Variants in CNTRL observed in about 807,000 individuals in gnomAD.
CNTRL encodes the protein centriolin, also known as 110 kDa centrosomal protein.
A neutral mutation model predicts 303.7 loss-of-function variants in CNTRL; 233 were observed. That is an observed-to-expected ratio of 0.77 (90% CI 0.69 to 0.86). The LOEUF is 0.86. CNTRL is among the 40% of genes least tolerant of loss of function. CNTRL has a pLI of 0.00. For missense variants in CNTRL, 2,524 were observed against 2,650.6 expected, an observed-to-expected ratio of 0.95 and a Z score of 1.05; for synonymous variants, 900 against 922.2, an observed-to-expected ratio of 0.98 and a Z score of 0.44.
chr9:121,116,025 AT>A (rs1295760889), intron 11 of CNTRL, among the ~76,000 whole-genome samples: 1 of 152,132 alleles, frequency 6.6e-6, no homozygotes, highest in Non-Finnish European at 1.5e-5. Context: ...TGTGGGGGAA[AT>A]AAGGCAATAA....
rs563012856 is a variant in CNTRL at position 121,176,693 on chromosome 9, G to T, written c.6955-470G>T. On this transcript the variant is annotated intron_variant, in intron 43 of 43. Transcript: ENST00000373855. ...GGGGCGAGATTGGTAGAATTATTTA[G>T]AAGTCTGGGGTTGTAATCCAGGCCT... Among the ~76,000 whole-genome samples the T allele has an allele frequency of 3.3e-4, 50 of 152,316 alleles. No individual in the cohort carries two copies. The East Asian group carries it at 3.5e-3, about 11-fold the overall frequency.
chr9:121,084,927 A>C (rs1211207294), intron 2 of CNTRL, among the ~76,000 whole-genome samples: 10 of 152,148 alleles, frequency 6.6e-5, no homozygotes, highest in Non-Finnish European at 1.3e-4. Flanking sequence ...CCTTTCTTTC[A>C]TATAGGAAAA....
intron 7 of CNTRL, among the ~76,000 whole-genome samples, chr9:121,106,823 G>A (rs1174966446): frequency 1.3e-5 from 2 of 152,034 alleles, no homozygotes; most frequent in Admixed American, 1.3e-4. Context: ...TGAAGTTTAT[G>A]TTTTGGAATC....
At chr9:121,077,083 G>C (rs540130439) in intron 1 of CNTRL, among the ~76,000 whole-genome samples, 2 of 152,168 alleles carry the variant, frequency 1.3e-5, no homozygotes, top group African/African-American at 2.4e-5. Flanking sequence ...TGAATTGTTA[G>C]ATCAGAGCAA....
At chr9:121,170,652 A>G (rs1292589530) in intron 39 of CNTRL, among the ~76,000 whole-genome samples, 7 of 151,594 alleles carry the variant, frequency 4.6e-5, no homozygotes, top group Non-Finnish European at 1.5e-5. Context: ...GACGGGGTTC[A>G]CCATGTTGGC....
At position 121,140,734 on chromosome 9, in the gene CNTRL, G is replaced by A. The variant is rs758251543; in HGVS notation, c.2431G>A (p.Ala811Thr). ...TTTGGTTCGTCCAGAAGAAGTGGCA[G>A]CTCGTGTGGATGAGCTAAGAAGAAA... is the stretch of plus-strand genomic sequence containing the variant. Reference protein sequence around the residue: ...DGLVRPEEVAARVDELRRKLK... With the variant: ...DGLVRPEEVATRVDELRRKLK... The change falls in exon 17 of 44, where the codon GCT (alanine) becomes ACT (threonine). Residue 811 changes from alanine (A) to threonine (T), a missense_variant. Coordinates refer to ENST00000373855, the MANE Select transcript of CNTRL (RefSeq NM_007018.6). The A allele has an allele frequency of 6.2e-7, 1 of 1,613,532 alleles. No homozygotes were observed. The highest frequency in any genetic ancestry group is 1.7e-5 in the Admixed American group (1 of 59,998).
chr9:121,146,177 A>G lies in CNTRL; in HGVS notation c.3380A>G (p.Asn1127Ser), dbSNP rs766953071. ...AELRREVSYQ[N>S]DYISSMADPF... ...CTTCGACGTGAAGTTTCTTATCAGAATGATTACATAAGCAGCATGGCAGAT... is the reference window on the plus strand; with the variant it reads ...CTTCGACGTGAAGTTTCTTATCAGAGTGATTACATAAGCAGCATGGCAGAT... The change falls in exon 23 of 44, where the codon AAT becomes AGT. Residue 1127 changes from asparagine to serine, a missense_variant. Coordinates refer to ENST00000373855, the MANE Select transcript of CNTRL (RefSeq NM_007018.6). 6.2e-7 allele frequency: 1 copy of G among 1,613,794 alleles called. No homozygotes were observed. Among genetic ancestry groups the G allele is most frequent in the Non-Finnish European group, 8.5e-7 (1 of 1,179,928 alleles).
chr9:121,152,402 C>T (rs1049372240), intron 25 of CNTRL, 83 bp from the exon 26 acceptor site: 2 of 1,131,530 alleles, frequency 1.8e-6, no homozygotes, highest in African/African-American at 3.1e-5. Context: ...ACTTTAACCA[C>T]AGTTAATTTC....
chr9:121,158,259 T>A, intron 30 of CNTRL, 150 bp downstream of exon 30: 1 of 907,796 alleles, frequency 1.1e-6, no homozygotes, highest in Non-Finnish European at 1.6e-6. Flanking sequence ...CCCAACTCAA[T>A]ACAATACTTC....
chr9:121,123,107 G>C (rs558177319), intron 12 of CNTRL, among the ~76,000 whole-genome samples: 1 of 151,908 alleles, frequency 6.6e-6, no homozygotes, highest in East Asian at 1.9e-4. Flanking sequence ...TATTAAAAAG[G>C]CATTACTTAT....
Position 121,094,937 on chromosome 9 carries a change from G to A in CNTRL, c.398G>A (p.Ser133Asn). The A allele has an allele frequency of 6.3e-7, 1 of 1,594,206 alleles. No individual in the cohort carries two copies. The highest frequency in any genetic ancestry group is 8.6e-7 in the Non-Finnish European group (1 of 1,165,624). Residue 133 changes from serine (S) to asparagine (N), a missense_variant, in exon 5 of 44, where the codon AGC becomes AAC. Coordinates refer to ENST00000373855, the MANE Select transcript of CNTRL (RefSeq NM_007018.6). The stretch of plus-strand genomic sequence containing the variant: ...GTTAAACTTGAAGTACTGAATCTCA[G>A]CTATAATCTAATAGGGAAGATTGAA... ...KCVKLEVLNL[S>N]YNLIGKIEKL...
chr9:121,138,222 T>C (rs2051301775), intron 15 of CNTRL, among the ~76,000 whole-genome samples: 1 of 152,160 alleles, frequency 6.6e-6, no homozygotes, highest in South Asian at 2.1e-4. Context: ...AATACTAGTC[T>C]AAGGGAAAGG....
At chr9:121,108,814 T>C (rs1160712092) in intron 8 of CNTRL, among the ~76,000 whole-genome samples, 1 of 152,152 alleles carries the variant, frequency 6.6e-6, no homozygotes, top group Non-Finnish European at 1.5e-5. Flanking sequence ...ACAAAATTAA[T>C]GTATGTTCAT....
At chr9:121,141,241 A>G (rs1352589673) in intron 17 of CNTRL, 140 bp from the exon 18 acceptor site, 3 of 653,950 alleles carry the variant, frequency 4.6e-6, no homozygotes, top group African/African-American at 3.6e-5. Flanking sequence ...TGCGCTTAGG[A>G]GATGGTCAGT....
At chr9:121,126,172 C>G (rs147247177) in intron 14 of CNTRL, among the ~76,000 whole-genome samples, 1 of 151,740 alleles carries the variant, frequency 6.6e-6, no homozygotes, top group African/African-American at 2.4e-5. Context: ...CATTTCTATC[C>G]CTGAAAGGTA....
chr9:121,130,124 G>A (rs1238456016), intron 14 of CNTRL, among the ~76,000 whole-genome samples: 1 of 152,104 alleles, frequency 6.6e-6, no homozygotes, highest in Non-Finnish European at 1.5e-5. Context: ...GCCAGGCTTT[G>A]GTATCAGGAT....
At chr9:121,079,675 T>C (rs547567026) in intron 1 of CNTRL, among the ~76,000 whole-genome samples, 2 of 152,296 alleles carry the variant, frequency 1.3e-5, no homozygotes, top group Admixed American at 6.5e-5. Context: ...GTGCTTAACC[T>C]GTAGTGAATG....
chr9:121,164,148 G>A (rs1395944923), intron 34 of CNTRL, among the ~76,000 whole-genome samples: 1 of 152,158 alleles, frequency 6.6e-6, no homozygotes, highest in Non-Finnish European at 1.5e-5. Flanking sequence ...GCAGGCATGA[G>A]CCACCGCATC....
chr9:121,174,537 T>C (rs919279281), intron 42 of CNTRL, among the ~76,000 whole-genome samples: 5 of 152,238 alleles, frequency 3.3e-5, no homozygotes, highest in African/African-American at 4.8e-5. Context: ...ACAGCGCTGC[T>C]ATAGACTTTG....
Sources: gnomAD v4.1 joint callset for allele counts (sites outside exome capture counted in the v4.1 genomes callset) on GRCh38, gnomAD v4.1.1 for gene constraint, MANE v1.5 for transcripts, NCBI Gene and HGNC (gene_info 2026-07-23, HGNC 2026-07-21) for gene names.